VPS41: variants seen among roughly 807,000 people sequenced by gnomAD.
VPS41 encodes the protein vacuolar protein sorting-associated protein 41 homolog.
In VPS41, 85 loss-of-function variants were observed where a neutral mutation model predicts 130.9. The observed-to-expected ratio is 0.65, with a 90% CI of 0.55 to 0.78. The LOEUF is 0.78. Among genes scored for constraint, VPS41 ranks in the 30% least tolerant of loss-of-function variants. VPS41 has a pLI of 0.00. For missense variants in VPS41, 874 were observed against 1,018.7 expected (o/e 0.86, Z 1.93); for synonymous variants, 335 against 332.9 (o/e 1.01, Z -0.07).
At chr7:38,770,934 A>G (rs530924925) in intron 14 of VPS41, among the ~76,000 whole-genome samples, 1 of 152,316 alleles carries the variant, frequency 6.6e-6, no homozygotes, top group African/African-American at 2.4e-5. Context: ...TTTCATACAC[A>G]TAACTAGAAA....
chr7:38,802,457 C>G (rs910913018), intron 7 of VPS41, among the ~76,000 whole-genome samples: 3 of 152,278 alleles, frequency 2.0e-5, no homozygotes, highest in Admixed American at 6.5e-5. Context: ...ATTATGGAGT[C>G]ATTTCTATAT....
At chr7:38,899,267 T>C (rs899684030) in intron 1 of VPS41, among the ~76,000 whole-genome samples, 4 of 152,184 alleles carry the variant, frequency 2.6e-5, no homozygotes, top group African/African-American at 9.7e-5. Flanking sequence ...ACAATGAATA[T>C]TAGAATCTCC....
At chr7:38,772,463 T>A (rs1784171222) in intron 13 of VPS41, 59 bp downstream of exon 13, 2 of 1,164,484 alleles carry the variant, frequency 1.7e-6, no homozygotes, top group South Asian at 3.0e-5. Context: ...AAACATTTTA[T>A]CTTCTCTCTC....
chr7:38,727,373 C>T (rs1795567258), intron 27 of VPS41, among the ~76,000 whole-genome samples: 1 of 152,170 alleles, frequency 6.6e-6, no homozygotes, highest in South Asian at 2.1e-4. Flanking sequence ...TTTGCCAAGA[C>T]CACACACTGA....
chr7:38,882,491 G>A (rs1029053522), intron 2 of VPS41, among the ~76,000 whole-genome samples: 4 of 152,182 alleles, frequency 2.6e-5, no homozygotes, highest in Admixed American at 2.6e-4. Context: ...TCTAAATGCT[G>A]AGTCACAAAT....
intron 7 of VPS41, among the ~76,000 whole-genome samples, chr7:38,802,060 G>A (rs1784737621): frequency 1.3e-5 from 2 of 152,330 alleles, no homozygotes; most frequent in South Asian, 4.1e-4. Context: ...GGCATGTAAT[G>A]TCAGTCTATT....
chr7:38,795,634 G>A, intron 8 of VPS41, 23 bp from the exon 9 acceptor site: 1 of 1,603,632 alleles, frequency 6.2e-7, no homozygotes, highest in South Asian at 1.1e-5. Flanking sequence ...ACAGCAGTAA[G>A]CATCCTCTAC....
chr7:38,887,091 G>A (rs2116400688), intron 2 of VPS41, among the ~76,000 whole-genome samples: 1 of 152,300 alleles, frequency 6.6e-6, no homozygotes, highest in South Asian at 2.1e-4. Context: ...CAGAAAGGCA[G>A]AAAATTCTAA....
chr7:38,732,313 T>G (rs1795681219), intron 25 of VPS41, among the ~76,000 whole-genome samples: 1 of 152,002 alleles, frequency 6.6e-6, no homozygotes, highest in South Asian at 2.1e-4. Flanking sequence ...TACCTAGGAG[T>G]GAAATTCCTG....
At chr7:38,789,976 G>A in intron 9 of VPS41, 109 bp from the exon 10 acceptor site, 4 of 1,040,614 alleles carry the variant, frequency 3.8e-6, no homozygotes, top group Non-Finnish European at 5.8e-6. Flanking sequence ...CACTGCAGAT[G>A]GAGTACAATC....
chr7:38,830,781 G>C (rs1162375952), intron 4 of VPS41, among the ~76,000 whole-genome samples: 1 of 152,028 alleles, frequency 6.6e-6, no homozygotes, highest in Non-Finnish European at 1.5e-5. Flanking sequence ...ATCACCACAT[G>C]AGCGACACCC....
chr7:38,752,352 G>T, intron 21 of VPS41, 39 bp from the exon 22 acceptor site: 1 of 1,611,346 alleles, frequency 6.2e-7, no homozygotes, highest in South Asian at 1.1e-5. Context: ...CCATTAAAAT[G>T]AGAAAAGCAA....
chr7:38,892,435 C>T (rs552156829), intron 2 of VPS41, among the ~76,000 whole-genome samples: 50 of 152,282 alleles, frequency 3.3e-4, no homozygotes, highest in African/African-American at 1.2e-3. Context: ...GTGCCCAGCA[C>T]TGTTTTCTAT....
intron 7 of VPS41, among the ~76,000 whole-genome samples, chr7:38,806,268 G>C (rs1784836412): frequency 6.6e-6 from 1 of 152,098 alleles, no homozygotes; most frequent in African/African-American, 2.4e-5. Flanking sequence ...CCAATCCTAA[G>C]AATCAATGGT....
chr7:38,755,129 A>G (rs1783764670), intron 19 of VPS41, among the ~76,000 whole-genome samples, 193 bp from the exon 20 acceptor site: 1 of 152,204 alleles, frequency 6.6e-6, no homozygotes, highest in South Asian at 2.1e-4. Flanking sequence ...ATGCATCTCA[A>G]TCTGAAGCCT....
In VPS41 at chr7:38,835,704, A is replaced by C. The variant is rs144671471; in HGVS notation, c.247-5376T>G. The stretch of plus-strand genomic sequence containing the variant: ...GCTATTTATATTATTTAATTTCTCT[A>C]TATATTTACTGTTTTCTCTTTCATC... On this transcript the variant is annotated intron_variant, in intron 4 of 28. Coordinates refer to ENST00000310301, the MANE Select transcript of VPS41 (RefSeq NM_014396.4). 2.9e-3 allele frequency among the ~76,000 whole-genome samples: 445 copies of C among 151,852 alleles called. 2 individuals carry two copies. Among genetic ancestry groups the C allele is most frequent in the African/African-American group, 0.01 (433 of 41,500 alleles).
chr7:38,861,828 T>C (rs1251733377), intron 4 of VPS41, among the ~76,000 whole-genome samples: 1 of 152,144 alleles, frequency 6.6e-6, no homozygotes, highest in African/African-American at 2.4e-5. Context: ...TCAAATTCAA[T>C]AGTACCTTCA....
In VPS41 at chr7:38,776,777, C is replaced by T; in HGVS notation, c.785-1G>A. The T allele has an allele frequency of 6.3e-7, 1 of 1,587,884 alleles. No individual in the cohort carries two copies. The highest frequency in any genetic ancestry group is 1.3e-5 in the African/African-American group (1 of 74,504). On this transcript the variant is annotated splice_acceptor_variant, in intron 10 of 28. Coordinates refer to ENST00000310301, the MANE Select transcript of VPS41 (RefSeq NM_014396.4). LOFTEE classifies it high-confidence loss of function. ...TAGAATTCAGTTTCAAACTGAGACA[C>T]TGCAAACAAAAGGGATACAGGAGTC...
At chr7:38,819,265 AG>A (rs1285822194) in intron 6 of VPS41, among the ~76,000 whole-genome samples, 1 of 152,206 alleles carries the variant, frequency 6.6e-6, no homozygotes, top group Admixed American at 6.5e-5. Context: ...TCACAGGCAG[AG>A]GGTCTAGGAC....
Sources: allele counts gnomAD v4.1 joint callset (sites outside exome capture counted in the v4.1 genomes callset), GRCh38; gene constraint gnomAD v4.1.1; transcripts MANE v1.5; gene names NCBI Gene and HGNC (gene_info 2026-07-23, HGNC 2026-07-21).